Variants in SAMD13 observed in about 807,000 individuals in gnomAD.
The protein encoded by SAMD13 is sterile alpha motif domain containing 13, also known as sterile alpha motif domain-containing protein 13.
In SAMD13, 9 loss-of-function variants were observed where a neutral mutation model predicts 12.4. That is an observed-to-expected ratio of 0.72 (90% CI 0.44 to 1.26). SAMD13 has a LOEUF of 1.26. SAMD13 is among the 50% of genes most tolerant of loss of function. The pLI is 0.00. For synonymous variants in SAMD13, 46 were observed against 45.4 expected, an observed-to-expected ratio of 1.01 and a Z score of -0.05; for missense variants, 84 against 119.6, an observed-to-expected ratio of 0.70 and a Z score of 1.39.
chr1:84,314,147 AAG>A (rs1678775452), intron 2 of SAMD13, among the ~76,000 whole-genome samples: 1 of 152,126 alleles, frequency 6.6e-6, no homozygotes. Flanking sequence ...CATTGTAGAA[AAG>A]AGAACTTTTC....
chr1:84,325,373 G>A (rs1679035763), intron 2 of SAMD13, among the ~76,000 whole-genome samples: 1 of 152,142 alleles, frequency 6.6e-6, no homozygotes, highest in Non-Finnish European at 1.5e-5. Context: ...AAAAGGCCAG[G>A]TGTTCTGAAC....
At chr1:84,302,196 G>T (rs1385855751) in intron 1 of SAMD13, among the ~76,000 whole-genome samples, 1 of 152,092 alleles carries the variant, frequency 6.6e-6, no homozygotes, top group African/African-American at 2.4e-5. Context: ...AAAATCTTGC[G>T]AATATACTAA....
At chr1:84,318,182 C>A (rs1348103664) in intron 2 of SAMD13, among the ~76,000 whole-genome samples, 1 of 151,744 alleles carries the variant, frequency 6.6e-6, no homozygotes, top group Non-Finnish European at 1.5e-5. Context: ...ACTCCTTTGT[C>A]CAATTTCTTA....
At chr1:84,307,302 A>G (rs1678601086) in intron 2 of SAMD13, among the ~76,000 whole-genome samples, 1 of 152,106 alleles carries the variant, frequency 6.6e-6, no homozygotes, top group African/African-American at 2.4e-5. Context: ...CTTTTCTTTT[A>G]AAATGTTGAA....
At chr1:84,341,372 A>G (rs1679420891) in intron 3 of SAMD13, among the ~76,000 whole-genome samples, 2 of 152,286 alleles carry the variant, frequency 1.3e-5, no homozygotes, top group African/African-American at 4.8e-5. Flanking sequence ...ATGGCCACCA[A>G]GGGGAATGGG....
intron 3 of SAMD13, among the ~76,000 whole-genome samples, chr1:84,343,559 A>G (rs567115434): frequency 3.9e-5 from 6 of 152,240 alleles, no homozygotes; most frequent in Non-Finnish European, 8.8e-5. Flanking sequence ...TTGCAGGGAC[A>G]TGGATGGAGC....
At chr1:84,332,765 G>C (rs1679219123) in intron 3 of SAMD13, among the ~76,000 whole-genome samples, 1 of 152,066 alleles carries the variant, frequency 6.6e-6, no homozygotes, top group Non-Finnish European at 1.5e-5. Context: ...TGTTTTTGTT[G>C]CAATTGCTTT....
At chr1:84,309,221 T>C (rs1166603610) in intron 2 of SAMD13, among the ~76,000 whole-genome samples, 1 of 152,158 alleles carries the variant, frequency 6.6e-6, no homozygotes, top group African/African-American at 2.4e-5. Context: ...GATAACTCTT[T>C]TTTCTTCATA....
intron 2 of SAMD13, among the ~76,000 whole-genome samples, chr1:84,309,048 A>G (rs926197921): frequency 6.6e-6 from 1 of 152,208 alleles, no homozygotes; most frequent in Non-Finnish European, 1.5e-5. Flanking sequence ...TGAGGAATCA[A>G]AAGGAAACAG....
intron 2 of SAMD13, among the ~76,000 whole-genome samples, chr1:84,323,928 A>T (rs1679001711): frequency 6.6e-6 from 1 of 152,014 alleles, no homozygotes. Flanking sequence ...CCCACATTAA[A>T]TCTCCACTTG....
chr1:84,341,036 T>C (rs889616510), intron 3 of SAMD13, among the ~76,000 whole-genome samples: 1 of 152,228 alleles, frequency 6.6e-6, no homozygotes, highest in African/African-American at 2.4e-5. Context: ...TCAGAGCTTC[T>C]GGTTCTCAGG....
intron 2 of SAMD13, among the ~76,000 whole-genome samples, chr1:84,308,208 C>A (rs1678626481): frequency 6.6e-6 from 1 of 152,160 alleles, no homozygotes; most frequent in African/African-American, 2.4e-5. Context: ...ATATTGCCCC[C>A]ATTACTCCAT....
upstream of SAMD13, among the ~76,000 whole-genome samples, chr1:84,301,099 C>T (rs1344131937): frequency 1.3e-5 from 2 of 152,152 alleles, no homozygotes; most frequent in African/African-American, 2.4e-5. Flanking sequence ...AGAATGTGGG[C>T]GTTTTCAGGA....
At chr1:84,345,418 C>T (rs961891992) in intron 3 of SAMD13, 1 of 360,608 alleles carries the variant, frequency 2.8e-6, no homozygotes, top group Non-Finnish European at 5.4e-6. Flanking sequence ...CCTCTCATTT[C>T]ACAGAGGAGG....
In SAMD13 at chr1:84,349,777, C is replaced by T; in HGVS notation, c.*3C>T. 6.2e-7 allele frequency: 1 copy of T among 1,604,616 alleles called. No individual in the cohort carries two copies. The highest frequency in any genetic ancestry group is 8.5e-7 in the Non-Finnish European group (1 of 1,175,852). On this transcript the variant is annotated 3_prime_UTR_variant, in exon 4 of 4. Transcript: ENST00000394834. ...ATTTAAAGAACAACTCTTCATAGTA[C>T]AGTCAAATTGGGGTCTTCGACCTCA...
At chr1:84,331,767 C>T (rs1447837392) in intron 3 of SAMD13, among the ~76,000 whole-genome samples, 1 of 151,960 alleles carries the variant, frequency 6.6e-6, no homozygotes, top group East Asian at 1.9e-4. Context: ...TTCATGGGTA[C>T]AGGTGCAGGT....
chr1:84,327,966 G>A (rs1474396769), intron 3 of SAMD13, among the ~76,000 whole-genome samples: 1 of 152,176 alleles, frequency 6.6e-6, no homozygotes, highest in African/African-American at 2.4e-5. Flanking sequence ...ATGTCCATTT[G>A]TGTCACAGCA....
chr1:84,318,529 A>G (rs1678880510), intron 2 of SAMD13, among the ~76,000 whole-genome samples: 1 of 152,150 alleles, frequency 6.6e-6, no homozygotes, highest in Non-Finnish European at 1.5e-5. Flanking sequence ...TATGTGATCT[A>G]TCCTGGATAA....
intron 3 of SAMD13, among the ~76,000 whole-genome samples, chr1:84,330,296 G>A (rs1679151229): frequency 1.3e-5 from 2 of 152,180 alleles, no homozygotes; most frequent in African/African-American, 4.8e-5. Context: ...TCCTCAAGAA[G>A]TATGCTTTCA....
Sources: gnomAD v4.1 joint callset for allele counts (sites outside exome capture counted in the v4.1 genomes callset) on GRCh38, gnomAD v4.1.1 for gene constraint, MANE v1.5 for transcripts, NCBI Gene and HGNC (gene_info 2026-07-23, HGNC 2026-07-21) for gene names.